The following EYS variants were observed in gnomAD, a reference collection of about 807,000 sequenced individuals.
EYS encodes the protein protein eyes shut homolog.
In EYS, 250 loss-of-function variants were observed where a neutral mutation model predicts 282.1. That is an observed-to-expected ratio of 0.89 (90% CI 0.80 to 0.98). The LOEUF (loss-of-function observed/expected upper bound fraction) is 0.98, where lower values mean the gene tolerates loss of function less well. Ranked by LOEUF, EYS falls within the 50% of genes least tolerant of loss-of-function variation. The probability of loss-of-function intolerance (pLI) is 0.00; values close to 1 mark genes in which losing one functional copy is unlikely to be tolerated. For synonymous variants in EYS, 1,355 were observed against 1,282.9 expected (o/e 1.06, Z -1.20); for missense variants, 4,016 against 3,709.0 (o/e 1.08, Z -2.15).
At chr6:64,069,046 G>GCCA (rs976386093) in intron 32 of EYS, among the ~76,000 whole-genome samples, 5 of 152,152 alleles carry the variant, frequency 3.3e-5, no homozygotes, top group African/African-American at 1.2e-4. Context: ...GAGTGATGCA[G>GCCA]CCACAAGCTA....
chr6:65,037,993 G>A (rs1772821326), intron 13 of EYS, among the ~76,000 whole-genome samples: 1 of 151,518 alleles, frequency 6.6e-6, no homozygotes. Context: ...GAGAAACCTA[G>A]CTTCATTAAT....
At chr6:64,441,224 C>A (rs1774933821) in intron 26 of EYS, among the ~76,000 whole-genome samples, 2 of 152,140 alleles carry the variant, frequency 1.3e-5, no homozygotes, top group South Asian at 4.1e-4. Context: ...CATGTCCTAA[C>A]TGAAGAGGAC....
chr6:63,911,405 C>T (rs1764246616), intron 35 of EYS, among the ~76,000 whole-genome samples: 1 of 152,274 alleles, frequency 6.6e-6, no homozygotes, highest in South Asian at 2.1e-4. Flanking sequence ...AATAGGAAAT[C>T]AAGTAAAAAC....
At chr6:63,990,762 C>T (rs373227573) in intron 34 of EYS, among the ~76,000 whole-genome samples, 1 of 151,684 alleles carries the variant, frequency 6.6e-6, no homozygotes, top group East Asian at 2.0e-4. Context: ...TCACCTGTCT[C>T]AGAATGCTGA....
chr6:64,355,086 T>TTTC (rs1771780537), intron 29 of EYS, among the ~76,000 whole-genome samples: 8 of 151,552 alleles, frequency 5.3e-5, no homozygotes, highest in Non-Finnish European at 1.0e-4. Flanking sequence ...TAAGTAAAAA[T>TTTC]ACTCATGAAA....
chr6:65,608,445 T>C (rs1187560349), intron 2 of EYS, among the ~76,000 whole-genome samples: 1 of 152,050 alleles, frequency 6.6e-6, no homozygotes, highest in Non-Finnish European at 1.5e-5. Flanking sequence ...GCCTAGGATG[T>C]TACACTATTG....
At chr6:64,431,751 C>T (rs1774582522) in intron 28 of EYS, among the ~76,000 whole-genome samples, 1 of 152,104 alleles carries the variant, frequency 6.6e-6, no homozygotes, top group Non-Finnish European at 1.5e-5. Context: ...AATTCTCATT[C>T]CTTCCTACCT....
intron 26 of EYS, among the ~76,000 whole-genome samples, chr6:64,471,070 T>C (rs1472554788): frequency 1.3e-5 from 2 of 152,096 alleles, no homozygotes; most frequent in Non-Finnish European, 2.9e-5. Flanking sequence ...AAGGGAGAAC[T>C]GTATAAACAG....
rs912246696 is a variant in EYS at position 64,902,454 on chromosome 6, G to A, written c.2688C>T (p.Phe896=). The change falls in exon 17 of 43, where the codon TTC becomes TTT. Residue 896 remains phenylalanine (F), a synonymous_variant. Coordinates refer to ENST00000503581, the MANE Select transcript of EYS (RefSeq NM_001142800.2). Reference sequence around the variant, plus strand: ...AGTCACCATAATCCTGGCAGGAAAGGAAGAGGCAGTCTTTCACATCAATTT... The same window carrying A: ...AGTCACCATAATCCTGGCAGGAAAGAAAGAGGCAGTCTTTCACATCAATTT... The part of the protein sequence containing the change: ...NCEIDVKDCL[F]LSCQDYGDCE... 2 of 1,535,474 alleles carry A rather than the reference G, an allele frequency of 1.3e-6. No homozygotes were observed. Among genetic ancestry groups the A allele is most frequent in the South Asian group, 1.3e-5 (1 of 79,888 alleles).
intron 32 of EYS, among the ~76,000 whole-genome samples, chr6:64,070,341 A>G (rs79484129): frequency 0.019 from 2,916 of 152,230 alleles, 106 homozygotes; most frequent in African/African-American, 0.067. Context: ...TGACACATTT[A>G]TTGTATAATA....
At chr6:64,765,027 G>A (rs13201889) in intron 22 of EYS, among the ~76,000 whole-genome samples, 11,221 of 152,274 alleles carry the variant, frequency 0.074, 547 homozygotes, top group Non-Finnish European at 0.11. Context: ...GTCAGCCACC[G>A]CGCCTGCCCC....
At chr6:64,888,490 AAAAG>A (rs1767169954) in intron 18 of EYS, among the ~76,000 whole-genome samples, 1 of 152,008 alleles carries the variant, frequency 6.6e-6, no homozygotes, top group Admixed American at 6.6e-5. Flanking sequence ...AATTAATAGA[AAAAG>A]AAAGAGTAAG....
intron 31 of EYS, among the ~76,000 whole-genome samples, chr6:64,201,734 A>G (rs1322220187): frequency 3.9e-5 from 6 of 152,188 alleles, no homozygotes; most frequent in African/African-American, 1.4e-4. Context: ...TTAATTGAAA[A>G]ACTTCTGCAT....
At chr6:64,694,234 A>G (rs554730120) in intron 22 of EYS, among the ~76,000 whole-genome samples, 1 of 152,306 alleles carries the variant, frequency 6.6e-6, no homozygotes, top group Admixed American at 6.5e-5. Flanking sequence ...GTATATAGAG[A>G]TTCACATTAC....
At chr6:64,231,943 C>T (rs1411764320) in intron 30 of EYS, among the ~76,000 whole-genome samples, 2 of 151,888 alleles carry the variant, frequency 1.3e-5, no homozygotes, top group Non-Finnish European at 2.9e-5. Flanking sequence ...TATTTTATAC[C>T]TTGTCATAAA....
intron 12 of EYS, among the ~76,000 whole-genome samples, chr6:65,201,102 C>T (rs1286186515): frequency 6.6e-6 from 1 of 151,934 alleles, no homozygotes; most frequent in Non-Finnish European, 1.5e-5. Flanking sequence ...TTGTTTACTA[C>T]AATAGAATAA....
chr6:65,290,509 G>A (rs1768494703), intron 12 of EYS, among the ~76,000 whole-genome samples: 1 of 151,094 alleles, frequency 6.6e-6, no homozygotes, highest in Admixed American at 6.6e-5. Context: ...AATATTATAA[G>A]TAACTCCAGT....
intron 35 of EYS, among the ~76,000 whole-genome samples, chr6:63,913,614 A>C (rs1413986809): frequency 1.3e-5 from 2 of 152,216 alleles, no homozygotes; most frequent in African/African-American, 2.4e-5. Flanking sequence ...TATTTCGCTT[A>C]GTATTATTTT....
chr6:63,939,700 A>T (rs759201307), intron 35 of EYS, among the ~76,000 whole-genome samples: 48 of 152,182 alleles, frequency 3.2e-4, no homozygotes, highest in Non-Finnish European at 6.0e-4. Flanking sequence ...ATAGCCCAGA[A>T]ATATTGAAAA....
Sources: allele counts gnomAD v4.1 joint callset (sites outside exome capture counted in the v4.1 genomes callset), GRCh38; gene constraint gnomAD v4.1.1; transcripts MANE v1.5; gene names NCBI Gene and HGNC (gene_info 2026-07-23, HGNC 2026-07-21).